The following ARHGAP15 variants were observed in gnomAD, a reference collection of about 807,000 sequenced individuals.
The protein encoded by ARHGAP15 is Rho GTPase activating protein 15, also known as rho GTPase-activating protein 15.
Under a neutral mutation model 63.7 loss-of-function variants are expected in ARHGAP15, and 51 were observed. The observed-to-expected ratio is 0.80, with a 90% CI of 0.64 to 1.01. The LOEUF (loss-of-function observed/expected upper bound fraction) is 1.01. Among genes scored for constraint, ARHGAP15 ranks in the 50% least tolerant of loss-of-function variants. ARHGAP15 has a pLI of 0.00. For missense variants in ARHGAP15, 560 were observed against 564.6 expected (o/e 0.99, Z 0.08); for synonymous variants, 191 against 193.8 (o/e 0.99, Z 0.12).
At chr2:143,561,012 G>A (rs953879035) in intron 11 of ARHGAP15, among the ~76,000 whole-genome samples, 5 of 152,150 alleles carry the variant, frequency 3.3e-5, no homozygotes, top group Non-Finnish European at 7.4e-5. Flanking sequence ...ATCAGCCTGC[G>A]ACATTGCGTT....
At chr2:143,342,409 G>A (rs1685096926) in intron 6 of ARHGAP15, among the ~76,000 whole-genome samples, 1 of 152,070 alleles carries the variant, frequency 6.6e-6, no homozygotes, top group African/African-American at 2.4e-5. Context: ...TACTTTTTGT[G>A]CTATTAATAA....
chr2:143,767,365 A>G (rs187427467), intron 13 of ARHGAP15, among the ~76,000 whole-genome samples: 4 of 152,234 alleles, frequency 2.6e-5, no homozygotes, highest in African/African-American at 7.2e-5. Flanking sequence ...TTTGATTCCA[A>G]TGGGGCTCTT....
chr2:143,526,432 C>T lies in ARHGAP15; in HGVS notation c.925+7068C>T, dbSNP rs79786753. ...AGTTTAGGTTCTTAACATACTTTTCCCTTGGAGTCAGTTGGAAGGAACAGA... is the reference window on the plus strand; with the variant it reads ...AGTTTAGGTTCTTAACATACTTTTCTCTTGGAGTCAGTTGGAAGGAACAGA... On this transcript the variant is annotated intron_variant, in intron 10 of 13. Coordinates refer to ENST00000295095, the MANE Select transcript of ARHGAP15 (RefSeq NM_018460.4). Among the ~76,000 whole-genome samples the T allele has an allele frequency of 8.0e-3, 1,224 of 152,230 alleles. 2 individuals carry two copies. The highest frequency in any genetic ancestry group is 0.013 in the Non-Finnish European group (877 of 68,008).
intron 11 of ARHGAP15, among the ~76,000 whole-genome samples, chr2:143,609,360 T>G (rs1698167931): frequency 6.6e-6 from 1 of 152,206 alleles, no homozygotes; most frequent in Non-Finnish European, 1.5e-5. Flanking sequence ...CAAGGCATGT[T>G]AAGAATGGAG....
At chr2:143,718,983 T>C (rs557037980) in intron 13 of ARHGAP15, among the ~76,000 whole-genome samples, 1 of 152,354 alleles carries the variant, frequency 6.6e-6, no homozygotes, top group African/African-American at 2.4e-5. Flanking sequence ...CAGGAATTTG[T>C]AAACCAGCCT....
chr2:143,661,297 T>A (rs190890965), intron 12 of ARHGAP15, among the ~76,000 whole-genome samples: 1 of 152,308 alleles, frequency 6.6e-6, no homozygotes, highest in African/African-American at 2.4e-5. Context: ...GAGATTAGGA[T>A]AGGGCCATCA....
chr2:143,752,489 G>A (rs923179766), intron 13 of ARHGAP15, among the ~76,000 whole-genome samples: 45 of 152,142 alleles, frequency 3.0e-4, no homozygotes, highest in African/African-American at 9.4e-4. Flanking sequence ...GCCAGGACCC[G>A]CCTGCATTCC....
intron 11 of ARHGAP15, among the ~76,000 whole-genome samples, chr2:143,618,573 A>G (rs539615211): frequency 6.6e-6 from 1 of 152,362 alleles, no homozygotes; most frequent in African/African-American, 2.4e-5. Flanking sequence ...CAATAAAATA[A>G]AAGTTGGAAA....
chr2:143,635,057 G>GAC (rs373366118), intron 12 of ARHGAP15, among the ~76,000 whole-genome samples: 17 of 151,346 alleles, frequency 1.1e-4, no homozygotes, highest in East Asian at 1.9e-4. Flanking sequence ...GGGACAGACA[G>GAC]ACACACACAC....
chr2:143,630,703 A>C (rs1574734963), intron 12 of ARHGAP15, among the ~76,000 whole-genome samples: 1 of 152,108 alleles, frequency 6.6e-6, no homozygotes, highest in Non-Finnish European at 1.5e-5. Context: ...TTGTTTCATC[A>C]ACATTCAACA....
chr2:143,145,648 G>A (rs1689551404), intron 1 of ARHGAP15, among the ~76,000 whole-genome samples: 1 of 151,908 alleles, frequency 6.6e-6, no homozygotes, highest in Non-Finnish European at 1.5e-5. Flanking sequence ...ATCCCCAGTT[G>A]CCAATATTTA....
Position 143,211,680 on chromosome 2 carries a change from T to G in ARHGAP15, c.235-4704T>G, listed in dbSNP as rs546815439. 7.8e-4 allele frequency among the ~76,000 whole-genome samples: 119 copies of G among 152,244 alleles called. 1 individual carries two copies. Among genetic ancestry groups the G allele is most frequent in the African/African-American group, 2.8e-3 (116 of 41,552 alleles). ...GTGATGCTACTTTAAAGGGATCATC[T>G]CAGTTTAGAGCTGGGGCCTGTCTCA... is the stretch of plus-strand genomic sequence containing the variant. On this transcript the variant is annotated intron_variant, in intron 3 of 13. Transcript: ENST00000295095.
chr2:143,621,454 A>G (rs1229158382), intron 11 of ARHGAP15, among the ~76,000 whole-genome samples: 1 of 152,180 alleles, frequency 6.6e-6, no homozygotes, highest in Non-Finnish European at 1.5e-5. Context: ...GTTTAGATAA[A>G]CTACAGTGGC....
intron 6 of ARHGAP15, among the ~76,000 whole-genome samples, chr2:143,423,890 T>C (rs912625322): frequency 1.3e-5 from 2 of 152,102 alleles, no homozygotes; most frequent in African/African-American, 4.8e-5. Context: ...TTTAAATAAA[T>C]TGTTCAAAGT....
chr2:143,538,192 C>G (rs1694870282), intron 10 of ARHGAP15, among the ~76,000 whole-genome samples: 1 of 151,958 alleles, frequency 6.6e-6, no homozygotes, highest in Admixed American at 6.6e-5. Context: ...TCTGTTATTG[C>G]TGTATAGGAA....
intron 6 of ARHGAP15, among the ~76,000 whole-genome samples, chr2:143,272,678 G>T (rs1048040840): frequency 6.6e-6 from 1 of 151,968 alleles, no homozygotes; most frequent in Admixed American, 6.6e-5. Flanking sequence ...TTCTAGAAAT[G>T]CATTAGCTGC....
intron 6 of ARHGAP15, among the ~76,000 whole-genome samples, chr2:143,342,138 A>G (rs1685084869): frequency 1.3e-5 from 2 of 152,130 alleles, no homozygotes; most frequent in Admixed American, 6.6e-5. Flanking sequence ...CCCATTGTAC[A>G]TAACGACATG....
At chr2:143,728,830 C>T (rs1038189171) in intron 13 of ARHGAP15, among the ~76,000 whole-genome samples, 21 of 152,210 alleles carry the variant, frequency 1.4e-4, no homozygotes, top group Admixed American at 1.4e-3. Flanking sequence ...CGTGAGCTAC[C>T]ACTCTCACAA....
At chr2:143,767,043 T>C (rs1210267983) in intron 13 of ARHGAP15, among the ~76,000 whole-genome samples, 1 of 152,212 alleles carries the variant, frequency 6.6e-6, no homozygotes, top group South Asian at 2.1e-4. Flanking sequence ...TTCTACACTC[T>C]TATTTCCCTT....
Sources: gnomAD v4.1 joint callset for allele counts (sites outside exome capture counted in the v4.1 genomes callset) on GRCh38, gnomAD v4.1.1 for gene constraint, MANE v1.5 for transcripts, NCBI Gene and HGNC (gene_info 2026-07-23, HGNC 2026-07-21) for gene names.